NOC3L: variants seen among roughly 807,000 people sequenced by gnomAD.
The protein encoded by NOC3L is NOC3 like DNA replication regulator, also known as nucleolar complex protein 3 homolog.
In NOC3L, 85 loss-of-function variants were observed where a neutral mutation model predicts 102.5. The ratio of observed to expected loss-of-function variants is 0.83; its 90% CI spans 0.70 to 0.99. NOC3L has a LOEUF of 0.99. Ranked by LOEUF, NOC3L falls within the 50% of genes least tolerant of loss-of-function variation. The pLI is 0.00. For synonymous variants in NOC3L, 303 were observed against 309.4 expected (o/e 0.98, Z 0.22); for missense variants, 878 against 914.9 (o/e 0.96, Z 0.52).
At position 94,349,334 on chromosome 10, in the gene NOC3L, T is replaced by A. The variant is rs2054386589; in HGVS notation, c.1173A>T (p.Gln391His). ...CCEAVKKLFK[Q>H]DKLGQASLGV... is the part of the protein sequence containing the mutation. Reference sequence around the variant, plus strand: ...CAAGAGAAGCTTGGCCTAATTTATCTTGCTTAAAGAGTTTCTTCACAGCTT... The same window carrying A: ...CAAGAGAAGCTTGGCCTAATTTATCATGCTTAAAGAGTTTCTTCACAGCTT... Residue 391 changes from glutamine to histidine, a missense_variant, in exon 10 of 21, where the codon CAA (glutamine) becomes CAT (histidine). Gln to His is a conservative substitution (Grantham distance 24). Coordinates refer to ENST00000371361, the MANE Select transcript of NOC3L (RefSeq NM_022451.11). 1.3e-6 allele frequency: 2 copies of A among 1,585,324 alleles called. No individual in the cohort carries two copies. Among genetic ancestry groups the A allele is most frequent in the Non-Finnish European group, 1.7e-6 (2 of 1,172,646 alleles).
At chr10:94,341,540 T>C (rs1354685926) in intron 14 of NOC3L, 133 bp downstream of exon 14, 22 of 432,118 alleles carry the variant, frequency 5.1e-5, no homozygotes. Flanking sequence ...ATCATAGGCC[T>C]TTGTCAAAAT....
At chr10:94,355,323 G>C (rs2054470838) in intron 5 of NOC3L, among the ~76,000 whole-genome samples, 2 of 150,224 alleles carry the variant, frequency 1.3e-5, no homozygotes, top group African/African-American at 2.4e-5. Flanking sequence ...TAAACCAAAG[G>C]AAAATAGGAT....
At chr10:94,334,557 A>T in intron 20 of NOC3L, 77 bp downstream of exon 20, 1 of 1,072,692 alleles carries the variant, frequency 9.3e-7, no homozygotes, top group Non-Finnish European at 1.4e-6. Flanking sequence ...TAAAATAATT[A>T]AGCAAACTGG....
At chr10:94,320,691 C>T in the NOC3L span, among the ~76,000 whole-genome samples, 5 of 152,178 alleles carry the variant, frequency 3.3e-5, no homozygotes, top group Non-Finnish European at 7.3e-5. Context: ...CTTACTTTAC[C>T]TCTCCCTGCC....
downstream of NOC3L, among the ~76,000 whole-genome samples, chr10:94,333,027 A>AT (rs2054177574): frequency 6.6e-6 from 1 of 152,206 alleles, no homozygotes; most frequent in East Asian, 1.9e-4. Flanking sequence ...ATATGCTAAA[A>AT]GACTGACATA....
chr10:94,346,365 TTAATC>T, intron 11 of NOC3L, 55 bp downstream of exon 11: 1 of 1,297,886 alleles, frequency 7.7e-7, no homozygotes, highest in Non-Finnish European at 1.0e-6. Flanking sequence ...GCCTATAAGT[TTAATC>T]TAAGATCAAA....
chr10:94,350,369 T>C, intron 8 of NOC3L, 81 bp from the exon 9 acceptor site: 1 of 1,203,604 alleles, frequency 8.3e-7, no homozygotes, highest in Non-Finnish European at 1.2e-6. Context: ...TCAATGTACA[T>C]TTTAACACAC....
intron 13 of NOC3L, among the ~76,000 whole-genome samples, chr10:94,343,075 C>T (rs549249619): frequency 3.5e-5 from 5 of 143,992 alleles, no homozygotes; most frequent in African/African-American, 5.2e-5. Context: ...CAGAGCAAGA[C>T]AGTGTCTCCA....
At chr10:94,324,204 T>C in the NOC3L span, 17,847 of 756,624 alleles carry the variant, frequency 0.024, 326 homozygotes, top group Middle Eastern at 0.043. Context: ...ACTATACAAC[T>C]GCAAAATGAG....
chr10:94,323,670 T>G, the NOC3L span, among the ~76,000 whole-genome samples: 1 of 152,240 alleles, frequency 6.6e-6, no homozygotes, highest in Non-Finnish European at 1.5e-5. Context: ...AAGGGTTACT[T>G]GCTGTTCTTA....
chr10:94,320,180 T>C, the NOC3L span, among the ~76,000 whole-genome samples: 4 of 152,124 alleles, frequency 2.6e-5, no homozygotes, highest in African/African-American at 9.7e-5. Flanking sequence ...AATGACATAT[T>C]ATTAAGCAAG....
chr10:94,360,856 A>G (rs1298123403), intron 2 of NOC3L, among the ~76,000 whole-genome samples: 1 of 151,996 alleles, frequency 6.6e-6, no homozygotes, highest in African/African-American at 2.4e-5. Flanking sequence ...TAGAAAAAAA[A>G]AAAACTTTAG....
chr10:94,340,006 A>C (rs2054263974), intron 16 of NOC3L, 86 bp from the exon 17 acceptor site: 1 of 1,202,218 alleles, frequency 8.3e-7, no homozygotes, highest in African/African-American at 1.5e-5. Context: ...ACCCAAGATA[A>C]ACTTTTGTAC....
Position 94,355,017 on chromosome 10 carries a change from C to A in NOC3L, c.642G>T (p.Lys214Asn), listed in dbSNP as rs1483979992. The A allele has an allele frequency of 6.2e-7, 1 of 1,613,090 alleles. No individual in the cohort carries two copies. The highest frequency in any genetic ancestry group is 1.3e-5 in the African/African-American group (1 of 74,936). The change falls in exon 6 of 21, where the codon AAG (lysine) becomes AAT (asparagine). Residue 214 changes from lysine to asparagine, a missense_variant. Physicochemically the swap from Lys to Asn is moderately conservative, Grantham distance 94 (BLOSUM62 0). Transcript: ENST00000371361. ...ATGCCAAGGCTGCAATATGCATCTTCTTCTCCTGTAATTTCTTCTTTCTCT... is the reference window on the plus strand; with the variant it reads ...ATGCCAAGGCTGCAATATGCATCTTATTCTCCTGTAATTTCTTCTTTCTCT... Reference protein sequence around the residue: ...LIERKKKLQEKKMHIAALASA... With the variant: ...LIERKKKLQENKMHIAALASA...
At chr10:94,352,769 C>G in intron 7 of NOC3L, 127 bp downstream of exon 7, 3 of 771,342 alleles carry the variant, frequency 3.9e-6, no homozygotes, top group Non-Finnish European at 6.2e-6. Flanking sequence ...TTGCAGTGAG[C>G]CAAGATCACG....
chr10:94,342,684 T>A (rs2054299495), intron 13 of NOC3L, among the ~76,000 whole-genome samples: 1 of 146,244 alleles, frequency 6.8e-6, no homozygotes, highest in African/African-American at 2.6e-5. Flanking sequence ...TTAAGTGATA[T>A]ATATGTGATA....
the NOC3L span, chr10:94,322,065 A>T: frequency 6.2e-7 from 1 of 1,613,740 alleles, no homozygotes; most frequent in Non-Finnish European, 8.5e-7. Flanking sequence ...AGCAGGTAAA[A>T]GCCTCTCCCT....
intron 7 of NOC3L, among the ~76,000 whole-genome samples, 178 bp downstream of exon 7, chr10:94,352,718 G>C (rs1411163784): frequency 5.9e-5 from 9 of 151,984 alleles, no homozygotes; most frequent in Non-Finnish European, 1.2e-4. Context: ...GCTACTGAGG[G>C]GGCTGAGGCA....
chr10:94,323,911 C>T, the NOC3L span, among the ~76,000 whole-genome samples: 1 of 152,210 alleles, frequency 6.6e-6, no homozygotes, highest in Non-Finnish European at 1.5e-5. Context: ...ATTCTTTCAA[C>T]ATCCAAGACT....
Sources: allele counts gnomAD v4.1 joint callset (sites outside exome capture counted in the v4.1 genomes callset), GRCh38; gene constraint gnomAD v4.1.1; transcripts MANE v1.5; gene names NCBI Gene and HGNC (gene_info 2026-07-23, HGNC 2026-07-21).